Variants in ARNT2 observed in about 807,000 individuals in gnomAD.
The protein encoded by ARNT2 is aryl hydrocarbon receptor nuclear translocator 2.
ARNT2 carries 36 observed loss-of-function variants against 91.7 expected under a neutral mutation model. The ratio of observed to expected loss-of-function variants is 0.39; its 90% confidence interval spans 0.30 to 0.52. ARNT2 has a LOEUF of 0.52. Among genes scored for constraint, ARNT2 ranks in the 20% least tolerant of loss-of-function variants. The probability of loss-of-function intolerance (pLI) is 0.72; values close to 1 mark genes in which losing one functional copy is unlikely to be tolerated. For synonymous variants in ARNT2, 365 were observed against 347.1 expected, an observed-to-expected ratio of 1.05 and a Z score of -0.57; for missense variants, 775 against 939.3, an observed-to-expected ratio of 0.83 and a Z score of 2.29.
intron 5 of ARNT2, among the ~76,000 whole-genome samples, chr15:80,498,624 G>A (rs1406835907): frequency 6.6e-6 from 1 of 152,154 alleles, no homozygotes; most frequent in Admixed American, 6.5e-5. Flanking sequence ...CCATTCCCCC[G>A]AGTCTCCCAG....
At chr15:80,572,866 T>C (rs1488214786) in intron 12 of ARNT2, among the ~76,000 whole-genome samples, 1 of 152,220 alleles carries the variant, frequency 6.6e-6, no homozygotes, top group Non-Finnish European at 1.5e-5. Flanking sequence ...TACCTTCCTG[T>C]GTTTCCAGAC....
intron 12 of ARNT2, among the ~76,000 whole-genome samples, chr15:80,573,520 G>A (rs1019213262): frequency 6.6e-6 from 1 of 152,136 alleles, no homozygotes; most frequent in Non-Finnish European, 1.5e-5. Flanking sequence ...CTGAGCTATA[G>A]AGTTCACTTT....
At position 80,594,211 on chromosome 15, in the gene ARNT2, G is replaced by A. The variant is rs1296477223; in HGVS notation, c.*513G>A. ...GAGCCAAGAAGCACAGAGACACAGAGGCGCCTGCCCCTCAGCTCCGCTGGT... is the reference window on the plus strand; with the variant it reads ...GAGCCAAGAAGCACAGAGACACAGAAGCGCCTGCCCCTCAGCTCCGCTGGT... On this transcript the variant is annotated 3_prime_UTR_variant, in exon 19 of 19. Transcript: ENST00000303329. 6.4e-6 allele frequency: 1 copy of A among 155,602 alleles called. No individual in the cohort carries two copies. The highest frequency in any genetic ancestry group is 2.4e-5 in the African/African-American group (1 of 41,524). The allele number at this position is 155,602 out of a possible 1,614,324, so 9.6% of individuals were successfully genotyped here.
At chr15:80,528,032 C>G (rs75740749) in intron 8 of ARNT2, among the ~76,000 whole-genome samples, 7,027 of 152,192 alleles carry the variant, frequency 0.046, 193 homozygotes, top group East Asian at 0.1. Context: ...AGGAATAGGC[C>G]TGAAAGCAAA....
At chr15:80,489,041 A>C (rs1230315418) in intron 5 of ARNT2, among the ~76,000 whole-genome samples, 1 of 152,172 alleles carries the variant, frequency 6.6e-6, no homozygotes, top group Non-Finnish European at 1.5e-5. Context: ...TTACTTTGGG[A>C]TGTTTGAAAA....
At position 80,475,167 on chromosome 15, in the gene ARNT2, C is replaced by T. The variant is rs756862570; in HGVS notation, c.566C>T (p.Pro189Leu). ...AGCACACTGTATGAACAGGTGCATC[C>T]TGATGACGTGGAGAAGCTGAGAGAG... ...FGSTLYEQVH[P>L]DDVEKLREQL... The change falls in exon 5 of 19, where the codon CCT (proline) becomes CTT (leucine). Residue 189 changes from proline (P) to leucine (L), a missense_variant. Physicochemically the swap from Pro to Leu is moderately conservative, Grantham distance 98. This residue lies in a region of ARNT2 where 285 missense variants were observed against 327.2 expected (regional missense o/e 0.87). Transcript: ENST00000303329. The T allele has an allele frequency of 1.2e-6, 2 of 1,614,170 alleles. No individual in the cohort carries two copies. The highest frequency in any genetic ancestry group is 1.7e-6 in the Non-Finnish European group (2 of 1,180,034).
intron 12 of ARNT2, among the ~76,000 whole-genome samples, chr15:80,566,526 C>T (rs1208904790): frequency 6.6e-6 from 1 of 152,194 alleles, no homozygotes; most frequent in African/African-American, 2.4e-5. Context: ...ACCTGACTTC[C>T]TGATCTCGGA....
chr15:80,429,932 C>A (rs1197903172), intron 1 of ARNT2, among the ~76,000 whole-genome samples: 1 of 152,294 alleles, frequency 6.6e-6, no homozygotes, highest in South Asian at 2.1e-4. Flanking sequence ...CACCAGGTAC[C>A]TCTTTCTTCC....
chr15:80,467,191 G>C (rs538968626), intron 3 of ARNT2, among the ~76,000 whole-genome samples: 1 of 152,318 alleles, frequency 6.6e-6, no homozygotes, highest in South Asian at 2.1e-4. Context: ...CTAAACTGGA[G>C]GGTGAGACTG....
At chr15:80,500,093 C>T (rs1165992763) in intron 5 of ARNT2, among the ~76,000 whole-genome samples, 1 of 152,136 alleles carries the variant, frequency 6.6e-6, no homozygotes, top group Non-Finnish European at 1.5e-5. Flanking sequence ...CCATTCTCTC[C>T]CAGGTTCACT....
At chr15:80,475,379 C>G in intron 5 of ARNT2, 156 bp downstream of exon 5, 1 of 742,858 alleles carries the variant, frequency 1.3e-6, no homozygotes, top group Non-Finnish European at 2.1e-6. Context: ...ATGGTGAAAC[C>G]CCGTCTCTAC....
chr15:80,516,662 A>G (rs1221121851), intron 8 of ARNT2, among the ~76,000 whole-genome samples: 1 of 151,640 alleles, frequency 6.6e-6, no homozygotes, highest in Non-Finnish European at 1.5e-5. Flanking sequence ...TACATTTAAC[A>G]TGATTATTGA....
At chr15:80,437,922 T>TACACACACACACACACACAC (rs58142108) in intron 1 of ARNT2, among the ~76,000 whole-genome samples, 1 of 141,562 alleles carries the variant, frequency 7.1e-6, no homozygotes, top group Non-Finnish European at 1.5e-5. Flanking sequence ...TGTATTTACC[T>TACACACACACACACACACAC]ACACACACAC....
intron 5 of ARNT2, among the ~76,000 whole-genome samples, chr15:80,480,800 T>TTC (rs374888757): frequency 6.6e-6 from 1 of 151,928 alleles, no homozygotes; most frequent in African/African-American, 2.4e-5. Flanking sequence ...GCTTCCTTTC[T>TTC]TCTCTCTCTC....
At chr15:80,435,059 C>T (rs1896066925) in intron 1 of ARNT2, among the ~76,000 whole-genome samples, 1 of 152,120 alleles carries the variant, frequency 6.6e-6, no homozygotes, top group Non-Finnish European at 1.5e-5. Flanking sequence ...CGGTTGTCGC[C>T]TGTACCACTC....
chr15:80,447,617 C>T (rs976621141), intron 1 of ARNT2, among the ~76,000 whole-genome samples: 6 of 152,174 alleles, frequency 3.9e-5, no homozygotes, highest in African/African-American at 1.4e-4. Flanking sequence ...TTGCTTGCTT[C>T]GACTTGAGTC....
intron 1 of ARNT2, among the ~76,000 whole-genome samples, chr15:80,418,088 GT>G (rs1895812492): frequency 6.6e-6 from 1 of 152,194 alleles, no homozygotes; most frequent in Admixed American, 6.5e-5. Context: ...TCCTAGTAGT[GT>G]GGAACATGGC....
chr15:80,506,439 A>G (rs954273029), intron 5 of ARNT2, among the ~76,000 whole-genome samples: 2 of 152,214 alleles, frequency 1.3e-5, no homozygotes, highest in African/African-American at 4.8e-5. Flanking sequence ...AGGAAACATC[A>G]GAGGTTGGGG....
At chr15:80,528,632 G>T (rs1897683836) in intron 8 of ARNT2, among the ~76,000 whole-genome samples, 1 of 152,058 alleles carries the variant, frequency 6.6e-6, no homozygotes, top group African/African-American at 2.4e-5. Context: ...ACCCTCCCTG[G>T]TGGTGGGGGA....
Sources: allele counts gnomAD v4.1 joint callset (sites outside exome capture counted in the v4.1 genomes callset), GRCh38; gene constraint gnomAD v4.1.1; regional missense constraint gnomAD v4.1.1; transcripts MANE v1.5; gene names NCBI Gene and HGNC (gene_info 2026-07-23, HGNC 2026-07-21).